TBC1D16: variants seen among roughly 807,000 people sequenced by gnomAD.
TBC1D16 encodes the protein TBC1 domain family member 16, also known as CTD-2529O21.1.
In TBC1D16, 58 loss-of-function variants were observed where a neutral mutation model predicts 74.7. The ratio of observed to expected loss-of-function variants is 0.78; its 90% CI spans 0.63 to 0.97. TBC1D16 has a LOEUF of 0.97. TBC1D16 is among the 50% of genes least tolerant of loss of function. TBC1D16 has a pLI of 0.00. For missense variants in TBC1D16, 1,014 were observed against 1,079.5 expected (o/e 0.94, Z 0.85); for synonymous variants, 493 against 474.7 (o/e 1.04, Z -0.50).
intron 3 of TBC1D16, among the ~76,000 whole-genome samples, chr17:79,978,428 T>C (rs1436039300): frequency 1.3e-5 from 2 of 152,176 alleles, no homozygotes; most frequent in East Asian, 3.8e-4. Context: ...GCCCGGCCTT[T>C]CTTCTGTTCC....
At position 79,983,083 on chromosome 17, in the gene TBC1D16, A is replaced by G. The variant is rs74000316; in HGVS notation, c.779+27077T>C. 0.014 allele frequency among the ~76,000 whole-genome samples: 2,149 copies of G among 152,278 alleles called. 60 individuals carry two copies. Among genetic ancestry groups the G allele is most frequent in the African/African-American group, 0.048 (1,982 of 41,552 alleles). On this transcript the variant is annotated intron_variant, in intron 3 of 11. Transcript: ENST00000310924. This position sits in a 1 kb window ranked among gnomAD's most constrained non-coding sequence, Gnocchi z 5.6. ...AGCTCCAAGCACAGACGTGTTCATC[A>G]AGGACAAGCGGGAAGCCGGGAACAG... is the stretch of plus-strand genomic sequence containing the variant.
At chr17:80,013,816 T>G (rs945525573) in intron 1 of TBC1D16, among the ~76,000 whole-genome samples, 3 of 152,088 alleles carry the variant, frequency 2.0e-5, no homozygotes, top group Non-Finnish European at 4.4e-5. Context: ...GTCCCTCGCC[T>G]CAACCTGTGG....
Position 79,998,331 on chromosome 17 carries a change from T to G in TBC1D16, c.779+11829A>C, listed in dbSNP as rs543747911. Among the ~76,000 whole-genome samples the G allele has an allele frequency of 8.4e-4, 126 of 150,082 alleles. 2 individuals carry two copies. The South Asian group carries it at 0.025, about 29-fold the overall frequency. Reference sequence around the variant, plus strand: ...AGCTTGCAGCCTTTTCAGACTGGTGTTTTTTGTTTTTTTTGAGATAGGGTC... The same window carrying G: ...AGCTTGCAGCCTTTTCAGACTGGTGGTTTTTGTTTTTTTTGAGATAGGGTC... On this transcript the variant is annotated intron_variant, in intron 3 of 11. Coordinates refer to ENST00000310924, the MANE Select transcript of TBC1D16 (RefSeq NM_019020.4).
chr17:79,943,883 AT>A (rs1256530641), intron 10 of TBC1D16: 16 of 1,406,102 alleles, frequency 1.1e-5, no homozygotes, highest in Admixed American at 5.9e-5. Context: ...ATGAGGCACG[AT>A]TTTTTTTAAT....
chr17:80,028,705 T>A (rs1187520382), intron 1 of TBC1D16, among the ~76,000 whole-genome samples: 5 of 147,556 alleles, frequency 3.4e-5, no homozygotes, highest in South Asian at 2.3e-4. Flanking sequence ...GTCACTGCAA[T>A]CTCCGCCTCC....
rs975664207 is a variant in TBC1D16 at position 79,937,620 on chromosome 17, A to C, written c.*3239T>G. 6.6e-6 allele frequency: 1 copy of C among 152,170 alleles called. No individual in the cohort carries two copies. The highest frequency in any genetic ancestry group is 2.4e-5 in the African/African-American group (1 of 41,422). The allele number at this position is 152,170 out of a possible 1,614,324, so 9.4% of individuals were successfully genotyped here. A position where few individuals can be genotyped will look rare whatever the true frequency, so the allele number is the denominator to read the frequency against. ...TCCCTCCCTCTGTACTTGATCCATG[A>C]CTTGTGAGTTCTGAGTCCTCAGGGC... On this transcript the variant is annotated 3_prime_UTR_variant, in exon 12 of 12. Coordinates refer to ENST00000310924, the MANE Select transcript of TBC1D16 (RefSeq NM_019020.4).
chr17:79,993,140 G>A lies in TBC1D16; in HGVS notation c.779+17020C>T, dbSNP rs1242918199. On this transcript the variant is annotated intron_variant, in intron 3 of 11. Coordinates refer to ENST00000310924, the MANE Select transcript of TBC1D16 (RefSeq NM_019020.4). The surrounding 1 kb of genome is among the most constrained non-coding windows in gnomAD (Gnocchi z 5.1). ...TGCAGAGGGGAAACTGAGGCAATGA[G>A]GGTAATAACCCACCAGCACACAGCC... Among the ~76,000 whole-genome samples, 1 of 152,242 alleles carries A rather than the reference G, an allele frequency of 6.6e-6. No individual in the cohort carries two copies. The highest frequency in any genetic ancestry group is 2.1e-4 in the South Asian group (1 of 4,838).
At position 80,000,353 on chromosome 17, in the gene TBC1D16, GAGA is replaced by G. The variant is rs2035440228; in HGVS notation, c.779+9804_779+9806del. Among the ~76,000 whole-genome samples the G allele has an allele frequency of 6.6e-6, 1 of 152,174 alleles. No individual in the cohort carries two copies. Among genetic ancestry groups the G allele is most frequent in the East Asian group, 1.9e-4 (1 of 5,190 alleles). The stretch of plus-strand genomic sequence containing the variant: ...CCTATCTAATGACTGGCATCCGTAT[GAGA>G]AGAAGAGAGGGCACACAAAGGGACA... On this transcript the variant is annotated intron_variant, in intron 3 of 11. Coordinates refer to ENST00000310924, the MANE Select transcript of TBC1D16 (RefSeq NM_019020.4). This position sits in a 1 kb window ranked among gnomAD's most constrained non-coding sequence, Gnocchi z 4.1.
rs754058438 is a variant in TBC1D16 at position 80,010,317 on chromosome 17, C to A, written c.622G>T (p.Glu208Ter). Residue 208 changes from glutamate to a stop codon, truncating the protein, a stop_gained, in exon 3 of 12, where the codon GAG becomes TAG. Transcript: ENST00000310924. LOFTEE classifies it high-confidence loss of function. The surrounding 1 kb of genome is among the most constrained non-coding windows in gnomAD (Gnocchi z 8.8). ...EGREPRPEAG[E>*]EDGSLELSAE... ...GACAGTTCCAAAGAGCCATCCTCCT[C>A]CCCGGCCTCGGGCCGCGGCTCCCGC... 1 of 1,611,692 alleles carries A rather than the reference C, an allele frequency of 6.2e-7. No individual in the cohort carries two copies. Among genetic ancestry groups the A allele is most frequent in the Non-Finnish European group, 8.5e-7 (1 of 1,179,108 alleles).
intron 1 of TBC1D16, among the ~76,000 whole-genome samples, chr17:80,024,627 GCACACACAC>G (rs2036474471): frequency 4.6e-5 from 1 of 21,846 alleles, no homozygotes; most frequent in African/African-American, 1.7e-4. Context: ...CACACCATAA[GCACACACAC>G]CACACACACC....
chr17:79,943,417 G>A (rs374609560), intron 10 of TBC1D16, among the ~76,000 whole-genome samples: 30 of 152,258 alleles, frequency 2.0e-4, no homozygotes, highest in Admixed American at 1.5e-3. Context: ...CAGGCAGGGC[G>A]TAGGGCCGTC....
At position 79,993,736 on chromosome 17, in the gene TBC1D16, C is replaced by T. The variant is rs543619321; in HGVS notation, c.779+16424G>A. 6.6e-5 allele frequency: 10 copies of T among 152,250 alleles called. No homozygotes were observed. Among genetic ancestry groups the T allele is most frequent in the Admixed American group, 6.5e-4 (10 of 15,288 alleles). 9.4% of individuals were successfully genotyped at this position (152,250 alleles called of 1,614,324 possible). A position where few individuals can be genotyped will look rare whatever the true frequency, so the allele number is the denominator to read the frequency against. On this transcript the variant is annotated intron_variant, in intron 3 of 11. Transcript: ENST00000310924. The surrounding 1 kb of genome is among the most constrained non-coding windows in gnomAD (Gnocchi z 5.1). ...ATCACTGCCTCTGGGAGCCCGTGACCTCATGCTCAGAGCTCTCAGAAGCTC... is the reference window on the plus strand; with the variant it reads ...ATCACTGCCTCTGGGAGCCCGTGACTTCATGCTCAGAGCTCTCAGAAGCTC...
At position 79,942,715 on chromosome 17, in the gene TBC1D16, AC is replaced by A. The variant is rs931195084; in HGVS notation, c.1909-510del. Among the ~76,000 whole-genome samples the A allele has an allele frequency of 5.3e-5, 8 of 151,980 alleles. No homozygotes were observed. The East Asian group carries it at 9.7e-4, about 18-fold the overall frequency. ...GCCTGTCCTCCTGGCTCCAGGCCAC[AC>A]CCCCCAATCATGCCCCAGAGATGAC... On this transcript the variant is annotated intron_variant, in intron 10 of 11. Transcript: ENST00000310924.
At chr17:80,026,298 G>A (rs982705153) in intron 1 of TBC1D16, among the ~76,000 whole-genome samples, 2 of 149,756 alleles carry the variant, frequency 1.3e-5, no homozygotes, top group Non-Finnish European at 2.9e-5. Flanking sequence ...GGTGGCGCAC[G>A]CCTGTAATCC....
At chr17:79,966,155 A>G (rs1183378027) in intron 3 of TBC1D16, among the ~76,000 whole-genome samples, 1 of 151,642 alleles carries the variant, frequency 6.6e-6, no homozygotes, top group African/African-American at 2.4e-5. Context: ...CAGCTGTATC[A>G]CTCCAGTCTC....
Position 79,962,201 on chromosome 17 carries a change from A to AT in TBC1D16, c.780-9384dup, listed in dbSNP as rs563506473. Among the ~76,000 whole-genome samples the AT allele has an allele frequency of 7.8e-3, 508 of 65,004 alleles. 70 individuals are homozygous for AT. Among genetic ancestry groups the AT allele is most frequent in the Middle Eastern group, 0.048 (5 of 104 alleles). The allele number at this position is 65,004 out of a possible 152,430, so 42.6% of individuals were successfully genotyped here. A position where few individuals can be genotyped will look rare whatever the true frequency, so the allele number is the denominator to read the frequency against. ...ATCATCAAATTTACCATCTCAACCTATTTTTTTTTTTTTTTTTTTTTTTTT... is the reference window on the plus strand; with the variant it reads ...ATCATCAAATTTACCATCTCAACCTATTTTTTTTTTTTTTTTTTTTTTTTTT... On this transcript the variant is annotated intron_variant, in intron 3 of 11. Transcript: ENST00000310924.
chr17:80,010,248 C>T lies in TBC1D16; in HGVS notation c.691G>A (p.Asp231Asn). The change falls in exon 3 of 12, where the codon GAC becomes AAC. Residue 231 changes from aspartate to asparagine, a missense_variant. Physicochemically the swap from Asp to Asn is conservative, Grantham distance 23. Transcript: ENST00000310924. The surrounding 1 kb of genome is among the most constrained non-coding windows in gnomAD (Gnocchi z 8.8). ...AGGCAGAAGGGCGAGGAGAAGGTGT[C>T]TGAGTCTGAGTCAAAGGAGCTGTCT... Reference protein sequence around the residue: ...SRDSSFDSDSDTFSSPFCLSP... With the variant: ...SRDSSFDSDSNTFSSPFCLSP... 2 of 1,613,520 alleles carry T rather than the reference C, an allele frequency of 1.2e-6. No individual in the cohort carries two copies. The highest frequency in any genetic ancestry group is 1.7e-6 in the Non-Finnish European group (2 of 1,179,860).
At position 79,981,104 on chromosome 17, in the gene TBC1D16, T is replaced by C. The variant is rs989220093; in HGVS notation, c.780-28286A>G. On this transcript the variant is annotated intron_variant, in intron 3 of 11. Coordinates refer to ENST00000310924, the MANE Select transcript of TBC1D16 (RefSeq NM_019020.4). The surrounding 1 kb of genome is among the most constrained non-coding windows in gnomAD (Gnocchi z 6.9). ...CTTGTCACAGCAAAGCTGAATTCTG[T>C]ATCTAGCCCCTCGTGGCAGCAGTGA... 6.6e-6 allele frequency among the ~76,000 whole-genome samples: 1 copy of C among 152,216 alleles called. No individual in the cohort carries two copies. Among genetic ancestry groups the C allele is most frequent in the African/African-American group, 2.4e-5 (1 of 41,462 alleles).
rs1275970781 is a variant in TBC1D16 at position 79,986,059 on chromosome 17, G to C, written c.779+24101C>G. The stretch of plus-strand genomic sequence containing the variant: ...TGTCTGCTTTGAAAGGTCCTGACTA[G>C]AATCTGTTTATATTTTGACTGCACT... On this transcript the variant is annotated intron_variant, in intron 3 of 11. Transcript: ENST00000310924. This position sits in a 1 kb window ranked among gnomAD's most constrained non-coding sequence, Gnocchi z 6.0. 6.6e-6 allele frequency among the ~76,000 whole-genome samples: 1 copy of C among 152,258 alleles called. No homozygotes were observed. The highest frequency in any genetic ancestry group is 1.5e-5 in the Non-Finnish European group (1 of 68,050).
Sources: gnomAD v4.1 joint callset for allele counts (sites outside exome capture counted in the v4.1 genomes callset) on GRCh38, gnomAD v4.1.1 for gene constraint, Gnocchi (gnomAD v3.1) non-coding constraint, MANE v1.5 for transcripts, NCBI Gene and HGNC (gene_info 2026-07-23, HGNC 2026-07-21) for gene names.